The following LY75 variants were observed in gnomAD, a reference collection of about 807,000 sequenced individuals.
The protein encoded by LY75 is C-type lectin domain family 13 member B.
Under a neutral mutation model 231.7 loss-of-function variants are expected in LY75, and 185 were observed. The ratio of observed to expected loss-of-function variants is 0.80; its 90% CI spans 0.71 to 0.90. The LOEUF (loss-of-function observed/expected upper bound fraction) is 0.90, where lower values mean the gene tolerates loss of function less well. Ranked by LOEUF, LY75 falls within the 40% of genes least tolerant of loss-of-function variation. The pLI is 0.00. For missense variants in LY75, 1,947 were observed against 2,050.2 expected (o/e 0.95, Z 0.97); for synonymous variants, 668 against 689.0 (o/e 0.97, Z 0.48).
At chr2:159,838,801 A>AT (rs975530449) in intron 25 of LY75, among the ~76,000 whole-genome samples, 2 of 148,630 alleles carry the variant, frequency 1.3e-5, no homozygotes, top group Non-Finnish European at 3.0e-5. Flanking sequence ...TAATTAATTA[A>AT]TTTTTTTATT....
intron 12 of LY75, among the ~76,000 whole-genome samples, chr2:159,874,071 A>AAAATATATAAACGTATATATTTTGT (rs1322148778): frequency 4.2e-4 from 17 of 40,658 alleles, no homozygotes; most frequent in Admixed American, 1.8e-3. Context: ...ATATTTTGTA[A>AAAATATATAAACGTATATATTTTGT]AAATATATAA....
chr2:159,847,543 C>T (rs1364316682), intron 23 of LY75, among the ~76,000 whole-genome samples: 1 of 152,094 alleles, frequency 6.6e-6, no homozygotes, highest in African/African-American at 2.4e-5. Context: ...GCTGCATGAT[C>T]TCTGGCAAGT....
intron 28 of LY75, among the ~76,000 whole-genome samples, chr2:159,826,022 A>G (rs1031328501): frequency 1.3e-5 from 2 of 152,216 alleles, no homozygotes; most frequent in Non-Finnish European, 1.5e-5. Flanking sequence ...AAAAACTGGA[A>G]GCATTCCCTT....
At chr2:159,863,398 T>C (rs1464160529) in intron 14 of LY75, among the ~76,000 whole-genome samples, 2 of 152,312 alleles carry the variant, frequency 1.3e-5, no homozygotes, top group Non-Finnish European at 2.9e-5. Flanking sequence ...ATAATGGTTG[T>C]ACTAATTTAC....
At chr2:159,890,051 C>T (rs1442953552) in intron 4 of LY75, among the ~76,000 whole-genome samples, 162 bp downstream of exon 4, 3 of 152,160 alleles carry the variant, frequency 2.0e-5, no homozygotes, top group Admixed American at 1.3e-4. Context: ...AATATGATTA[C>T]ATTCAGTACT....
intron 28 of LY75, among the ~76,000 whole-genome samples, chr2:159,829,105 T>C (rs889498915): frequency 2.0e-5 from 3 of 152,130 alleles, no homozygotes; most frequent in African/African-American, 7.2e-5. Flanking sequence ...AATTATAAAT[T>C]GGTATAAAGA....
At position 159,804,006 on chromosome 2, in the gene LY75, G is replaced by A. The variant is rs2125824377; in HGVS notation, c.*1038C>T. 6.6e-6 allele frequency: 1 copy of A among 152,266 alleles called. No homozygotes were observed. The highest frequency in any genetic ancestry group is 3.4e-3 in the Middle Eastern group (1 of 294). The allele number at this position is 152,266 out of a possible 1,614,324, so 9.4% of individuals were successfully genotyped here. ...AAAGAAACAGTCATGTAATACATCA[G>A]AAAATGCAAAGCACACTGCTACAAG... On this transcript the variant is annotated 3_prime_UTR_variant, in exon 35 of 35. Coordinates refer to ENST00000263636, the MANE Select transcript of LY75 (RefSeq NM_002349.4).
chr2:159,846,397 C>T (rs1015939453), intron 23 of LY75, among the ~76,000 whole-genome samples: 26 of 151,946 alleles, frequency 1.7e-4, no homozygotes, highest in Admixed American at 4.6e-4. Flanking sequence ...CATGGTGGTG[C>T]GCTCCTGCAG....
intron 5 of LY75, 116 bp from the exon 6 acceptor site, chr2:159,885,409 T>A: frequency 7.4e-7 from 1 of 1,349,050 alleles, no homozygotes; most frequent in East Asian, 2.4e-5. Flanking sequence ...ATATTATAGT[T>A]AAAACTTAAC....
chr2:159,807,547 G>T, intron 33 of LY75: 2 of 793,694 alleles, frequency 2.5e-6, no homozygotes, highest in Non-Finnish European at 3.1e-6. Context: ...ATATGCTGGT[G>T]GAAGAGGAAG....
At chr2:159,878,839 C>A (rs1685350466) in intron 9 of LY75, 118 bp from the exon 10 acceptor site, 7 of 1,076,520 alleles carry the variant, frequency 6.5e-6, no homozygotes, top group Non-Finnish European at 9.4e-6. Flanking sequence ...GAGGACATGG[C>A]TATTGAAATC....
intron 2 of LY75, among the ~76,000 whole-genome samples, chr2:159,896,951 A>G (rs915319378): frequency 6.6e-6 from 1 of 152,182 alleles, no homozygotes; most frequent in Non-Finnish European, 1.5e-5. Context: ...GAAAAGGTCA[A>G]GAAACACTTC....
At chr2:159,807,796 T>G in intron 33 of LY75, 1 of 948,756 alleles carries the variant, frequency 1.1e-6, no homozygotes, top group Non-Finnish European at 1.3e-6. Context: ...TTCTGTCATA[T>G]TTGTACTCTT....
In LY75 at chr2:159,831,569, C is replaced by T. The variant is rs901183584; in HGVS notation, c.3958+101G>A. On this transcript the variant is annotated intron_variant, in intron 28 of 34. Coordinates refer to ENST00000263636, the MANE Select transcript of LY75 (RefSeq NM_002349.4). ...TATGCTAAGTACATAATTATACTTT[C>T]ACGTATTGATAGACATGTACTTTGA... 16 of 1,262,954 alleles carry T rather than the reference C, an allele frequency of 1.3e-5. No homozygotes were observed. In the African/African-American group the frequency reaches 2.1e-4, roughly 17 times the overall value. 78.2% of individuals were successfully genotyped at this position (1,262,954 alleles called of 1,614,324 possible).
At chr2:159,874,821 A>AAT (rs1185135690) in intron 12 of LY75, among the ~76,000 whole-genome samples, 2 of 85,536 alleles carry the variant, frequency 2.3e-5, no homozygotes, top group Non-Finnish European at 4.6e-5. Context: ...AATTTATGTA[A>AAT]ATATATATAT....
chr2:159,810,817 C>T (rs1165383925), intron 31 of LY75, 142 bp from the exon 32 acceptor site: 15 of 1,255,860 alleles, frequency 1.2e-5, no homozygotes, highest in Admixed American at 2.9e-5. Context: ...CCACAGCCCA[C>T]ACTCTATAAA....
At chr2:159,836,879 TC>T (rs1195014221) in intron 25 of LY75, among the ~76,000 whole-genome samples, 2 of 152,218 alleles carry the variant, frequency 1.3e-5, no homozygotes, top group African/African-American at 4.8e-5. Context: ...CTGTCCCTGA[TC>T]CTTTGGAATT....
In LY75 at chr2:159,824,930, T is replaced by C. The variant is rs1050473702; in HGVS notation, c.3959-5010A>G. Among the ~76,000 whole-genome samples the C allele has an allele frequency of 2.0e-5, 3 of 151,986 alleles. No homozygotes were observed. The South Asian group carries it at 6.2e-4, about 32-fold the overall frequency. On this transcript the variant is annotated intron_variant, in intron 28 of 34. Coordinates refer to ENST00000263636, the MANE Select transcript of LY75 (RefSeq NM_002349.4). ...CCAATGAGAACAAAGACACAACATATCAGAATCTTTGGGACACATTTAAAG... is the reference window on the plus strand; with the variant it reads ...CCAATGAGAACAAAGACACAACATACCAGAATCTTTGGGACACATTTAAAG...
intron 6 of LY75, among the ~76,000 whole-genome samples, chr2:159,883,516 T>C (rs984737329): frequency 2.6e-5 from 4 of 152,206 alleles, no homozygotes; most frequent in African/African-American, 9.7e-5. Flanking sequence ...TCTCAATGAA[T>C]ACATATTTTT....
Sources: gnomAD v4.1 joint callset for allele counts (sites outside exome capture counted in the v4.1 genomes callset) on GRCh38, gnomAD v4.1.1 for gene constraint, MANE v1.5 for transcripts, NCBI Gene and HGNC (gene_info 2026-07-23, HGNC 2026-07-21) for gene names.